The following RUFY2 variants were observed in gnomAD, a reference collection of about 807,000 sequenced individuals.
RUFY2 encodes RUN and FYVE domain-containing protein 2.
In RUFY2, 49 loss-of-function variants were observed where a neutral mutation model predicts 94.4. The ratio of observed to expected loss-of-function variants is 0.52; its 90% CI spans 0.41 to 0.66. The LOEUF is 0.66. Ranked by LOEUF, RUFY2 falls within the 30% of genes least tolerant of loss-of-function variation. The pLI is 0.00. For synonymous variants in RUFY2, 255 were observed against 235.7 expected (o/e 1.08, Z -0.75); for missense variants, 541 against 692.8 (o/e 0.78, Z 2.46).
At chr10:68,374,838 G>A (rs2048518968) in intron 13 of RUFY2, among the ~76,000 whole-genome samples, 1 of 151,970 alleles carries the variant, frequency 6.6e-6, no homozygotes, top group African/African-American at 2.4e-5. Flanking sequence ...GGAAAATACT[G>A]ATGTTTATAA....
intron 13 of RUFY2, among the ~76,000 whole-genome samples, chr10:68,375,428 G>A (rs1173000763): frequency 5.3e-5 from 8 of 151,622 alleles, no homozygotes; most frequent in Non-Finnish European, 8.8e-5. Context: ...TGTTTACCTA[G>A]TAACAAGACT....
At chr10:68,395,916 T>C (rs779545502) in intron 4 of RUFY2, among the ~76,000 whole-genome samples, 3 of 152,206 alleles carry the variant, frequency 2.0e-5, no homozygotes, top group Non-Finnish European at 2.9e-5. Context: ...CAAGAATGAA[T>C]GGAGGACCAC....
intron 16 of RUFY2, among the ~76,000 whole-genome samples, chr10:68,351,532 C>T (rs2046676650): frequency 6.7e-6 from 1 of 149,458 alleles, no homozygotes; most frequent in Admixed American, 6.7e-5. Flanking sequence ...TCACTGCAAC[C>T]TCCACCTCCC....
chr10:68,367,803 T>C (rs1381576265), intron 13 of RUFY2, among the ~76,000 whole-genome samples: 2 of 149,044 alleles, frequency 1.3e-5, no homozygotes, highest in Admixed American at 6.7e-5. Context: ...TCTCACTATG[T>C]TGCCCAGGCT....
At chr10:68,362,285 G>A (rs948820394) in intron 15 of RUFY2, among the ~76,000 whole-genome samples, 1 of 152,098 alleles carries the variant, frequency 6.6e-6, no homozygotes, top group African/African-American at 2.4e-5. Flanking sequence ...CTGTGCCTGC[G>A]TCACTGTTCT....
At chr10:68,347,139 G>GAA (rs35691041) in intron 16 of RUFY2, among the ~76,000 whole-genome samples, 2 of 148,926 alleles carry the variant, frequency 1.3e-5, no homozygotes, top group Admixed American at 6.7e-5. Flanking sequence ...AAAAAGAGGG[G>GAA]AAAAAAAAAG....
At chr10:68,398,591 G>GC (rs1354176616) in intron 3 of RUFY2, among the ~76,000 whole-genome samples, 2 of 151,564 alleles carry the variant, frequency 1.3e-5, no homozygotes, top group Non-Finnish European at 2.9e-5. Flanking sequence ...GGTGGAGGTT[G>GC]CAACGAGCCA....
intron 7 of RUFY2, among the ~76,000 whole-genome samples, chr10:68,389,031 T>A (rs1220650582): frequency 6.6e-6 from 1 of 151,648 alleles, no homozygotes; most frequent in African/African-American, 2.4e-5. Context: ...CAGCTGAGAC[T>A]ACAGACACAC....
chr10:68,360,484 C>T lies in RUFY2; in HGVS notation c.1550+3106G>A, dbSNP rs544348866. Reference sequence around the variant, plus strand: ...TCAGGCCAGGTGCGGTGGCTCACGCCTGTAATCCCAGCACTTTGGGAGGCC... The same window carrying T: ...TCAGGCCAGGTGCGGTGGCTCACGCTTGTAATCCCAGCACTTTGGGAGGCC... On this transcript the variant is annotated intron_variant, in intron 15 of 17. Transcript: ENST00000602465. 3.9e-5 allele frequency among the ~76,000 whole-genome samples: 6 copies of T among 152,118 alleles called. No homozygotes were observed. In the East Asian group the frequency reaches 1.2e-3, roughly 29 times the overall value.
At chr10:68,366,759 T>TATATATATAAAA (rs1235098742) in intron 13 of RUFY2, among the ~76,000 whole-genome samples, 1 of 131,868 alleles carries the variant, frequency 7.6e-6, no homozygotes, top group Admixed American at 9.0e-5. Context: ...TATATATATA[T>TATATATATAAAA]AATATTAAAT....
rs980127947 is a variant in RUFY2 at position 68,395,066 on chromosome 10, G to A, written c.399-615C>T. Among the ~76,000 whole-genome samples, 7 of 152,000 alleles carry A rather than the reference G, an allele frequency of 4.6e-5. No individual in the cohort carries two copies. In the South Asian group the frequency reaches 6.2e-4, roughly 14 times the overall value. ...GAAAAGAAAAAGTGGCACGAGACACGGTGGCTCACGCCTGTAATCCCAGCA... is the reference window on the plus strand; with the variant it reads ...GAAAAGAAAAAGTGGCACGAGACACAGTGGCTCACGCCTGTAATCCCAGCA... On this transcript the variant is annotated intron_variant, in intron 4 of 17. Coordinates refer to ENST00000602465, the MANE Select transcript of RUFY2 (RefSeq NM_001330103.2).
At chr10:68,363,469 C>T (rs978392783) in intron 15 of RUFY2, 121 bp downstream of exon 15, 18 of 603,186 alleles carry the variant, frequency 3.0e-5, no homozygotes, top group South Asian at 5.4e-5. Flanking sequence ...CGTGAACCAC[C>T]GCGCCCGGCC....
At chr10:68,379,214 AAT>A in intron 12 of RUFY2, 1 of 429,660 alleles carries the variant, frequency 2.3e-6, no homozygotes, top group Non-Finnish European at 4.1e-6. Flanking sequence ...AAAAATCTAC[AAT>A]ATGACAACTT....
In RUFY2 at chr10:68,393,331, A is replaced by G. The variant is rs547214325; in HGVS notation, c.585-128T>C. The G allele has an allele frequency of 7.8e-5, 42 of 538,070 alleles. No individual in the cohort carries two copies. The African/African-American group carries it at 7.9e-4, about 10-fold the overall frequency. 33.3% of individuals were successfully genotyped at this position (538,070 alleles called of 1,614,324 possible). On this transcript the variant is annotated intron_variant, in intron 6 of 17. Coordinates refer to ENST00000602465, the MANE Select transcript of RUFY2 (RefSeq NM_001330103.2). ...CATTGTCTTGCCTTTAAAATAAAACATAAGAATAATAGTAAACTGTGTACT... is the reference window on the plus strand; with the variant it reads ...CATTGTCTTGCCTTTAAAATAAAACGTAAGAATAATAGTAAACTGTGTACT...
intron 7 of RUFY2, among the ~76,000 whole-genome samples, chr10:68,390,055 A>G (rs1363254380): frequency 6.6e-6 from 1 of 152,180 alleles, no homozygotes; most frequent in African/African-American, 2.4e-5. Flanking sequence ...GAATATATTA[A>G]TATTACCTGT....
At chr10:68,378,537 T>C in intron 12 of RUFY2, 2 of 1,528,604 alleles carry the variant, frequency 1.3e-6, no homozygotes, top group African/African-American at 1.4e-5. Flanking sequence ...TCTTTTCATT[T>C]AGTCTGTTTA....
At chr10:68,373,522 T>C (rs1164419553) in intron 13 of RUFY2, among the ~76,000 whole-genome samples, 7 of 152,202 alleles carry the variant, frequency 4.6e-5, no homozygotes, top group Non-Finnish European at 8.8e-5. Context: ...ATCCAAATGC[T>C]TTAGGAGGCT....
At chr10:68,382,308 C>A (rs1411862457) in intron 10 of RUFY2, among the ~76,000 whole-genome samples, 2 of 151,774 alleles carry the variant, frequency 1.3e-5, no homozygotes, top group African/African-American at 4.8e-5. Context: ...CACCAGCCTC[C>A]GCCTCCCAAA....
intron 10 of RUFY2, among the ~76,000 whole-genome samples, chr10:68,383,419 G>A (rs2049240950): frequency 6.6e-6 from 1 of 152,098 alleles, no homozygotes; most frequent in Admixed American, 6.6e-5. Context: ...AGGAGTTCAA[G>A]ACCAGCCTGG....
Sources: gnomAD v4.1 joint callset for allele counts (sites outside exome capture counted in the v4.1 genomes callset) on GRCh38, gnomAD v4.1.1 for gene constraint, MANE v1.5 for transcripts, NCBI Gene and HGNC (gene_info 2026-07-23, HGNC 2026-07-21) for gene names.